Variants in TRIM14 observed in about 807,000 individuals in gnomAD.
The protein encoded by TRIM14 is tripartite motif containing 14.
TRIM14 carries 28 observed loss-of-function variants against 44.5 expected under a neutral mutation model. That is an observed-to-expected ratio of 0.63 (90% CI 0.47 to 0.86). The LOEUF (loss-of-function observed/expected upper bound fraction) is 0.86. Ranked by LOEUF, TRIM14 falls within the 40% of genes least tolerant of loss-of-function variation. The probability of loss-of-function intolerance (pLI) is 0.00; values close to 1 mark genes in which losing one functional copy is unlikely to be tolerated. For missense variants in TRIM14, 607 were observed against 611.1 expected, an observed-to-expected ratio of 0.99 and a Z score of 0.07; for synonymous variants, 299 against 269.2, an observed-to-expected ratio of 1.11 and a Z score of -1.08.
At chr9:98,037,232 G>A in the TRIM14 span, among the ~76,000 whole-genome samples, 1 of 152,114 alleles carries the variant, frequency 6.6e-6, no homozygotes, top group Non-Finnish European at 1.5e-5. Flanking sequence ...ACAAAAATAA[G>A]CTGGGTGTGG....
At chr9:98,073,272 T>C (rs931191729) in intron 6 of TRIM14, among the ~76,000 whole-genome samples, 840 of 28,812 alleles carry the variant, frequency 0.029, 3 homozygotes, top group Non-Finnish European at 0.034. Flanking sequence ...CACCATGGGC[T>C]TTTTTTTTTT....
At chr9:98,068,382 T>C (rs1829211895), downstream of TRIM14, among the ~76,000 whole-genome samples, 1 of 152,072 alleles carries the variant, frequency 6.6e-6, no homozygotes, top group African/African-American at 2.4e-5. Flanking sequence ...TCAAGTGATC[T>C]GCCTTCCTCG....
downstream of TRIM14, among the ~76,000 whole-genome samples, chr9:98,066,653 A>AT (rs35815359): frequency 0.24 from 33,766 of 143,420 alleles, 4,054 homozygotes; most frequent in Admixed American, 0.28. Context: ...CCACTTACCG[A>AT]TTTTTTTTTT....
Position 98,119,054 on chromosome 9 carries a change from C to G in TRIM14, c.135G>C (p.Ala45=). 6.3e-7 allele frequency: 1 copy of G among 1,580,344 alleles called. No homozygotes were observed. The highest frequency in any genetic ancestry group is 8.5e-7 in the Non-Finnish European group (1 of 1,172,996). The part of the protein sequence containing the change: ...FCRRCRRCVC[A]LCPVLGAHRG... ...GGTGCGCGCCCAGCACCGGGCAAAG[C>G]GCGCACACGCAGCGGCGGCAGCGGC... The change falls in exon 1 of 6, where the codon GCG becomes GCC. Residue 45 remains alanine (A), a synonymous_variant. Coordinates refer to ENST00000341469, the MANE Select transcript of TRIM14 (RefSeq NM_014788.4).
the TRIM14 span, among the ~76,000 whole-genome samples, chr9:98,044,980 G>A: frequency 6.6e-6 from 1 of 152,036 alleles, no homozygotes; most frequent in Non-Finnish European, 1.5e-5. Flanking sequence ...GGGTATGACG[G>A]TGCATGCCTG....
the TRIM14 span, among the ~76,000 whole-genome samples, chr9:98,042,987 T>A: frequency 2.0e-5 from 3 of 152,180 alleles, no homozygotes; most frequent in Admixed American, 6.6e-5. Context: ...AGCCAGTTAA[T>A]TAGAACTCAT....
chr9:98,046,184 G>A, the TRIM14 span, among the ~76,000 whole-genome samples: 2 of 152,250 alleles, frequency 1.3e-5, no homozygotes, highest in East Asian at 1.9e-4. Context: ...AAGGGAACCC[G>A]AGAGCAAACC....
the TRIM14 span, among the ~76,000 whole-genome samples, chr9:98,046,441 T>A: frequency 6.6e-6 from 1 of 151,606 alleles, no homozygotes; most frequent in Admixed American, 6.6e-5. Flanking sequence ...GTTTTTTTGT[T>A]TTTTGTTTTT....
the TRIM14 span, among the ~76,000 whole-genome samples, chr9:98,046,346 A>T: frequency 6.6e-6 from 1 of 152,208 alleles, no homozygotes; most frequent in Non-Finnish European, 1.5e-5. Flanking sequence ...AACATTCCAA[A>T]TGAATAAAAC....
intron 4 of TRIM14, among the ~76,000 whole-genome samples, chr9:98,093,173 A>T (rs916053708): frequency 6.6e-6 from 1 of 152,032 alleles, no homozygotes; most frequent in South Asian, 2.1e-4. Context: ...AAATCCTTGG[A>T]TTCTGATCTC....
chr9:98,068,829 A>C (rs1207227097), downstream of TRIM14, among the ~76,000 whole-genome samples: 2 of 26,656 alleles, frequency 7.5e-5, no homozygotes, highest in African/African-American at 1.3e-3. Context: ...TCCTGTCTCT[A>C]AAAAAAAAAA....
chr9:98,037,852 C>T, the TRIM14 span, among the ~76,000 whole-genome samples: 3 of 152,090 alleles, frequency 2.0e-5, no homozygotes, highest in Non-Finnish European at 4.4e-5. Context: ...TCTTCCTTGC[C>T]TTCTCCTGTT....
chr9:98,084,068 A>C (rs576748820), downstream of TRIM14, among the ~76,000 whole-genome samples: 1 of 152,316 alleles, frequency 6.6e-6, no homozygotes, highest in African/African-American at 2.4e-5. Context: ...TAGGGACTTG[A>C]AGCAACATGA....
chr9:98,090,618 C>A (rs1344185772), intron 5 of TRIM14, among the ~76,000 whole-genome samples: 1 of 142,126 alleles, frequency 7.0e-6, no homozygotes, highest in Non-Finnish European at 1.5e-5. Context: ...GGCTGGAGTG[C>A]AGTAGTGCGA....
chr9:98,081,158 A>C, downstream of TRIM14: 3 of 1,568,482 alleles, frequency 1.9e-6, no homozygotes, highest in Non-Finnish European at 2.6e-6. Flanking sequence ...AGGGATGGTC[A>C]GGACCAGCCC....
chr9:98,113,288 G>A lies in TRIM14; in HGVS notation c.208-3304C>T, dbSNP rs1009357150. ...TAATAGAAAATGGTGAGAGATTATC[G>A]ATTATCTTATCTTGTGTAGTCAAAG... On this transcript the variant is annotated intron_variant, in intron 1 of 5. Coordinates refer to ENST00000341469, the MANE Select transcript of TRIM14 (RefSeq NM_014788.4). 2.4e-4 allele frequency among the ~76,000 whole-genome samples: 37 copies of A among 152,014 alleles called. 1 individual carries two copies. Among genetic ancestry groups the A allele is most frequent in the Admixed American group, 2.4e-3 (36 of 15,252 alleles).
At chr9:98,075,577 C>G (rs1239932635) in intron 6 of TRIM14, 1 of 152,074 alleles carries the variant, frequency 6.6e-6, no homozygotes, top group Non-Finnish European at 1.5e-5. Context: ...CAGCAACTTC[C>G]CTGGGAGAGG....
chr9:98,040,497 A>G, the TRIM14 span, among the ~76,000 whole-genome samples: 1 of 151,430 alleles, frequency 6.6e-6, no homozygotes, highest in Non-Finnish European at 1.5e-5. Flanking sequence ...TCTCCTCTGC[A>G]CTGCTTAGCC....
the TRIM14 span, among the ~76,000 whole-genome samples, chr9:98,043,094 C>T: frequency 6.6e-6 from 1 of 151,952 alleles, no homozygotes; most frequent in Non-Finnish European, 1.5e-5. Flanking sequence ...CATAAGACCT[C>T]TTTTTTTCCC....
Sources: allele counts gnomAD v4.1 joint callset (sites outside exome capture counted in the v4.1 genomes callset), GRCh38; gene constraint gnomAD v4.1.1; transcripts MANE v1.5; gene names NCBI Gene and HGNC (gene_info 2026-07-23, HGNC 2026-07-21).